Variants in FRAS1 observed in about 807,000 individuals in gnomAD.
The protein encoded by FRAS1 is extracellular matrix organizing protein FRAS1.
Under a neutral mutation model 435.2 loss-of-function variants are expected in FRAS1, and 290 were observed. That is an observed-to-expected ratio of 0.67 (90% CI 0.61 to 0.73). The LOEUF (loss-of-function observed/expected upper bound fraction) is 0.73. Among genes scored for constraint, FRAS1 ranks in the 30% least tolerant of loss-of-function variants. The probability of loss-of-function intolerance (pLI) is 0.00; values close to 1 mark genes in which losing one functional copy is unlikely to be tolerated. For synonymous variants in FRAS1, 1,800 were observed against 1,851.0 expected, an observed-to-expected ratio of 0.97 and a Z score of 0.71; for missense variants, 4,860 against 5,001.5, an observed-to-expected ratio of 0.97 and a Z score of 0.85.
At chr4:78,246,789 G>T (rs1386496784) in intron 4 of FRAS1, among the ~76,000 whole-genome samples, 1 of 152,120 alleles carries the variant, frequency 6.6e-6, no homozygotes, top group African/African-American at 2.4e-5. Flanking sequence ...TGGTACCAGG[G>T]ACATGGGAGA....
intron 6 of FRAS1, among the ~76,000 whole-genome samples, chr4:78,258,277 G>A (rs184192241): frequency 6.6e-6 from 1 of 151,686 alleles, no homozygotes; most frequent in African/African-American, 2.4e-5. Flanking sequence ...GGAGGTTGAG[G>A]CTGCAGTGAG....
intron 2 of FRAS1, among the ~76,000 whole-genome samples, chr4:78,106,290 G>A (rs1235311602): frequency 2.6e-4 from 22 of 83,926 alleles, no homozygotes; most frequent in Non-Finnish European, 4.9e-4. Flanking sequence ...CCACCTCTGG[G>A]GGCAGGGCAC....
At chr4:78,299,086 C>T (rs1337212937) in intron 14 of FRAS1, among the ~76,000 whole-genome samples, 6 of 152,174 alleles carry the variant, frequency 3.9e-5, no homozygotes, top group East Asian at 1.9e-4. Context: ...AAGGAGCCAG[C>T]GACGTTGTGG....
chr4:78,342,937 C>A (rs956614302), intron 20 of FRAS1, among the ~76,000 whole-genome samples: 3 of 152,070 alleles, frequency 2.0e-5, no homozygotes, highest in Non-Finnish European at 2.9e-5. Context: ...TTTGCTCTTT[C>A]CACAAATCTG....
chr4:78,336,808 T>G (rs753462791), intron 19 of FRAS1, among the ~76,000 whole-genome samples: 1 of 152,176 alleles, frequency 6.6e-6, no homozygotes, highest in Non-Finnish European at 1.5e-5. Context: ...CCCCTCCTCT[T>G]GGACTCAGAC....
At chr4:78,340,517 A>G (rs950801379) in intron 20 of FRAS1, among the ~76,000 whole-genome samples, 2 of 152,226 alleles carry the variant, frequency 1.3e-5, no homozygotes, top group African/African-American at 4.8e-5. Flanking sequence ...TCAAACATTT[A>G]TGAAGCCTTT....
Position 78,057,966 on chromosome 4 carries a change from G to T in FRAS1, c.-44G>T, listed in dbSNP as rs759064810. On this transcript the variant is annotated 5_prime_UTR_variant, in exon 1 of 74. Coordinates refer to ENST00000512123, the MANE Select transcript of FRAS1 (RefSeq NM_025074.7). The surrounding 1 kb of genome is among the most constrained non-coding windows in gnomAD (Gnocchi z 4.2). Reference sequence around the variant, plus strand: ...AGCGTTTTGGCGGAGCCGCTTCTTGGATGCTGAAGGCTGGGCTCCTCCATC... The same window carrying T: ...AGCGTTTTGGCGGAGCCGCTTCTTGTATGCTGAAGGCTGGGCTCCTCCATC... 1.3e-6 allele frequency: 2 copies of T among 1,591,376 alleles called. No homozygotes were observed. The highest frequency in any genetic ancestry group is 3.4e-5 in the Admixed American group (2 of 59,504).
At chr4:78,436,751 TA>T (rs60114391) in intron 38 of FRAS1, among the ~76,000 whole-genome samples, 2,890 of 152,122 alleles carry the variant, frequency 0.019, 105 homozygotes, top group African/African-American at 0.065. Flanking sequence ...ATTTCTAAGT[TA>T]AAAAAATGAA....
At position 78,317,437 on chromosome 4, in the gene FRAS1, AGGCTCT is replaced by A. The variant is rs1303792097; in HGVS notation, c.1891_1896del (p.Ala631_Leu632del). The A allele has an allele frequency of 4.3e-6, 7 of 1,613,748 alleles. No homozygotes were observed. The highest frequency in any genetic ancestry group is 1.3e-5 in the African/African-American group (1 of 74,902). ...CACTGTACAGCCTGCAGCCCCCCCA[AGGCTCT>A]GCGTCAAGGCCACTGTCTGCCCCGC... On this transcript the variant is annotated inframe_deletion, in exon 17 of 74. Transcript: ENST00000512123.
chr4:78,245,917 G>C (rs1228435252), intron 4 of FRAS1, among the ~76,000 whole-genome samples: 4 of 152,098 alleles, frequency 2.6e-5, no homozygotes, highest in Non-Finnish European at 5.9e-5. Context: ...CTAGATGCTA[G>C]TAGCATCCCT....
At chr4:78,250,495 A>G (rs919170388) in intron 4 of FRAS1, among the ~76,000 whole-genome samples, 4 of 152,310 alleles carry the variant, frequency 2.6e-5, no homozygotes, top group African/African-American at 9.6e-5. Flanking sequence ...CTTGTATTTA[A>G]GCCTTTTGTG....
intron 2 of FRAS1, among the ~76,000 whole-genome samples, chr4:78,158,336 T>A (rs540828317): frequency 6.6e-6 from 1 of 152,342 alleles, no homozygotes; most frequent in Admixed American, 6.5e-5. Flanking sequence ...CATTTGTTTG[T>A]GTCATATATG....
At chr4:78,250,779 G>A (rs1725496001) in intron 4 of FRAS1, among the ~76,000 whole-genome samples, 1 of 152,160 alleles carries the variant, frequency 6.6e-6, no homozygotes, top group Non-Finnish European at 1.5e-5. Context: ...TCCCTTCACT[G>A]TAGCTTCACC....
chr4:78,117,828 C>G (rs1159230592), intron 2 of FRAS1, among the ~76,000 whole-genome samples: 3 of 142,570 alleles, frequency 2.1e-5, no homozygotes, highest in African/African-American at 7.8e-5. Context: ...CTTCTCTCAG[C>G]TCATCAAAGT....
At chr4:78,337,621 G>A (rs10010238) in intron 19 of FRAS1, 53 bp from the exon 20 acceptor site, 144,923 of 1,572,578 alleles carry the variant, frequency 0.092, 7,250 homozygotes, top group African/African-American at 0.17. Flanking sequence ...AATACTTCAC[G>A]CATATACATG....
intron 6 of FRAS1, among the ~76,000 whole-genome samples, chr4:78,262,678 T>C (rs566139366): frequency 1.3e-5 from 2 of 152,298 alleles, no homozygotes; most frequent in Admixed American, 6.5e-5. Context: ...TCATCCATAA[T>C]ACACTATAAA....
At chr4:78,325,747 A>G (rs1222003830) in intron 18 of FRAS1, among the ~76,000 whole-genome samples, 1 of 152,240 alleles carries the variant, frequency 6.6e-6, no homozygotes, top group Non-Finnish European at 1.5e-5. Context: ...ATGCCATAAT[A>G]GCAGTAGTCA....
chr4:78,481,717 T>A, intron 56 of FRAS1, 87 bp from the exon 57 acceptor site: 1 of 1,431,510 alleles, frequency 7.0e-7, no homozygotes, highest in Non-Finnish European at 9.8e-7. Flanking sequence ...CTGCCACTAT[T>A]GCAGTGAGGG....
At chr4:78,198,522 C>G (rs1395113772) in intron 2 of FRAS1, among the ~76,000 whole-genome samples, 1 of 151,854 alleles carries the variant, frequency 6.6e-6, no homozygotes, top group African/African-American at 2.4e-5. Context: ...AGTGTAGGAA[C>G]TTGATAGGTC....
Sources: allele counts gnomAD v4.1 joint callset (sites outside exome capture counted in the v4.1 genomes callset), GRCh38; gene constraint gnomAD v4.1.1; non-coding constraint Gnocchi (gnomAD v3.1); transcripts MANE v1.5; gene names NCBI Gene and HGNC (gene_info 2026-07-23, HGNC 2026-07-21).